Variants in EPHA3 observed in about 807,000 individuals in gnomAD.
EPHA3 encodes the protein EPH receptor A3.
A neutral mutation model predicts 107.1 loss-of-function variants in EPHA3; 42 were observed. That is an observed-to-expected ratio of 0.39 (90% CI 0.31 to 0.51). The LOEUF is 0.51. Among genes scored for constraint, EPHA3 ranks in the 20% least tolerant of loss-of-function variants. EPHA3 has a pLI of 0.78. For synonymous variants in EPHA3, 461 were observed against 424.8 expected, an observed-to-expected ratio of 1.09 and a Z score of -1.05; for missense variants, 1,183 against 1,211.2, an observed-to-expected ratio of 0.98 and a Z score of 0.35.
chr3:89,277,610 T>G (rs149438987), intron 3 of EPHA3, among the ~76,000 whole-genome samples: 2 of 152,162 alleles, frequency 1.3e-5, no homozygotes, highest in Non-Finnish European at 2.9e-5. Flanking sequence ...TACTCTGGCC[T>G]GCTTTTGTTT....
At chr3:89,404,433 CT>C (rs1473018062) in intron 7 of EPHA3, among the ~76,000 whole-genome samples, 1 of 152,154 alleles carries the variant, frequency 6.6e-6, no homozygotes, top group Non-Finnish European at 1.5e-5. Flanking sequence ...GGAGTTCTGA[CT>C]CAAAAGAATG....
chr3:89,297,512 T>G (rs1356240276), intron 3 of EPHA3, among the ~76,000 whole-genome samples: 1 of 151,950 alleles, frequency 6.6e-6, no homozygotes, highest in Non-Finnish European at 1.5e-5. Context: ...CCCAAAACAA[T>G]TACAAAAAGG....
At chr3:89,318,916 C>A (rs529313034) in intron 3 of EPHA3, among the ~76,000 whole-genome samples, 2 of 152,042 alleles carry the variant, frequency 1.3e-5, no homozygotes, top group South Asian at 2.1e-4. Flanking sequence ...CAGAGGAGTG[C>A]AAATATTGAT....
At chr3:89,355,431 TG>T (rs1368390766) in intron 5 of EPHA3, among the ~76,000 whole-genome samples, 1 of 151,338 alleles carries the variant, frequency 6.6e-6, no homozygotes, top group Non-Finnish European at 1.5e-5. Context: ...AAATATGCCT[TG>T]GGAAAAAAAG....
chr3:89,183,703 G>A (rs1705497070), intron 2 of EPHA3, among the ~76,000 whole-genome samples: 1 of 151,860 alleles, frequency 6.6e-6, no homozygotes, highest in Non-Finnish European at 1.5e-5. Context: ...AAGACTTTAT[G>A]TTCCTTTTGC....
rs2107420059 is a variant in EPHA3 at position 89,341,901 on chromosome 3, T to A, written c.1117T>A (p.Cys373Ser). 6.2e-7 allele frequency: 1 copy of A among 1,613,714 alleles called. No individual in the cohort carries two copies. Among genetic ancestry groups the A allele is most frequent in the Non-Finnish European group, 8.5e-7 (1 of 1,179,950 alleles). ...CKKCGWNIKQCEPCSPNVRFL... is the reference protein window; with the variant it reads ...CKKCGWNIKQSEPCSPNVRFL... ...AAAATGTGGGTGGAATATAAAACAG[T>A]GTGAGCCATGCAGCCCAAATGTCCG... Residue 373 changes from cysteine (C) to serine (S), a missense_variant, in exon 5 of 17, where the codon TGT (cysteine) becomes AGT (serine). Coordinates refer to ENST00000336596, the MANE Select transcript of EPHA3 (RefSeq NM_005233.6).
intron 2 of EPHA3, among the ~76,000 whole-genome samples, chr3:89,182,255 T>C (rs990544266): frequency 6.6e-6 from 1 of 151,858 alleles, no homozygotes; most frequent in African/African-American, 2.4e-5. Context: ...CCATGCTGAG[T>C]GTGTCCTTTC....
In EPHA3 at chr3:89,203,541, A is replaced by G. The variant is rs570996475; in HGVS notation, c.154-6319A>G. Among the ~76,000 whole-genome samples, 4 of 151,946 alleles carry G rather than the reference A, an allele frequency of 2.6e-5. No homozygotes were observed. The South Asian group carries it at 8.3e-4, about 32-fold the overall frequency. On this transcript the variant is annotated intron_variant, in intron 2 of 16. Coordinates refer to ENST00000336596, the MANE Select transcript of EPHA3 (RefSeq NM_005233.6). ...GTAAACCTAGCACTTTGGGAGGCCG[A>G]GGCGGGCAGATCACGCGGTCAGGAG... is the stretch of plus-strand genomic sequence containing the variant.
chr3:89,419,887 TAG>T (rs1709324126), intron 11 of EPHA3, among the ~76,000 whole-genome samples: 1 of 151,348 alleles, frequency 6.6e-6, no homozygotes, highest in Non-Finnish European at 1.5e-5. Context: ...GGAATCACAA[TAG>T]ACCCAAGGCC....
At chr3:89,232,745 C>T (rs1490449000) in intron 3 of EPHA3, among the ~76,000 whole-genome samples, 3 of 151,994 alleles carry the variant, frequency 2.0e-5, no homozygotes, top group Middle Eastern at 3.2e-3. Flanking sequence ...ATTCAAATAG[C>T]CAAGAAGAAA....
rs1173479312 is a variant in EPHA3 at position 89,344,513 on chromosome 3, A to G, written c.1306+2423A>G. 2.0e-5 allele frequency among the ~76,000 whole-genome samples: 3 copies of G among 152,198 alleles called. No homozygotes were observed. The East Asian group carries it at 5.8e-4, about 29-fold the overall frequency. On this transcript the variant is annotated intron_variant, in intron 5 of 16. Transcript: ENST00000336596. Reference sequence around the variant, plus strand: ...AGATAGAGGTCTTTGTTCTATCTTCAAATCTCCAGGGTAAGATATATAAGC... The same window carrying G: ...AGATAGAGGTCTTTGTTCTATCTTCGAATCTCCAGGGTAAGATATATAAGC...
chr3:89,160,589 T>TGTGTGGGG (rs371399940), intron 2 of EPHA3, among the ~76,000 whole-genome samples: 2 of 145,006 alleles, frequency 1.4e-5, no homozygotes, highest in African/African-American at 5.2e-5. Context: ...TGTGTGTGTG[T>TGTGTGGGG]GCGCGCATTC....
At chr3:89,431,049 C>T (rs1576374260) in intron 12 of EPHA3, 101 bp from the exon 13 acceptor site, 2 of 1,215,296 alleles carry the variant, frequency 1.6e-6, no homozygotes, top group East Asian at 5.0e-5. Flanking sequence ...TGTGTATAGT[C>T]AGTCTTGTTA....
chr3:89,402,952 A>G (rs1708994801), intron 7 of EPHA3, among the ~76,000 whole-genome samples: 1 of 152,202 alleles, frequency 6.6e-6, no homozygotes, highest in Non-Finnish European at 1.5e-5. Flanking sequence ...TGCTGGGATT[A>G]CAGGTGTGAG....
At chr3:89,231,889 G>A (rs1704642411) in intron 3 of EPHA3, among the ~76,000 whole-genome samples, 1 of 152,190 alleles carries the variant, frequency 6.6e-6, no homozygotes, top group African/African-American at 2.4e-5. Flanking sequence ...GGACAGTCAT[G>A]TAGAAATGGG....
intron 3 of EPHA3, among the ~76,000 whole-genome samples, chr3:89,309,022 G>T (rs1706700055): frequency 6.6e-6 from 1 of 152,134 alleles, no homozygotes; most frequent in African/African-American, 2.4e-5. Flanking sequence ...TAAAATGAGA[G>T]AGTGGTGTCT....
At chr3:89,159,950 T>C in intron 2 of EPHA3, among the ~76,000 whole-genome samples, 1 of 152,000 alleles carries the variant, frequency 6.6e-6, no homozygotes, top group Admixed American at 6.6e-5. Context: ...CCTTCCTTCT[T>C]TTCCTTCTTC....
chr3:89,274,350 G>A (rs1287411318), intron 3 of EPHA3, among the ~76,000 whole-genome samples: 1 of 151,512 alleles, frequency 6.6e-6, no homozygotes, highest in Admixed American at 6.6e-5. Flanking sequence ...TTTGTTTTTA[G>A]CATTATTTAA....
chr3:89,157,906 T>C (rs1442437132), intron 2 of EPHA3, among the ~76,000 whole-genome samples: 1 of 150,924 alleles, frequency 6.6e-6, no homozygotes, highest in African/African-American at 2.4e-5. Flanking sequence ...AGAGAGTTAA[T>C]GGGCAGGGCT....
Sources: gnomAD v4.1 joint callset for allele counts (sites outside exome capture counted in the v4.1 genomes callset) on GRCh38, gnomAD v4.1.1 for gene constraint, MANE v1.5 for transcripts, NCBI Gene and HGNC (gene_info 2026-07-23, HGNC 2026-07-21) for gene names.